OR10J1: variants seen among roughly 807,000 people sequenced by gnomAD.
OR10J1 encodes the protein olfactory receptor 10J1.
For synonymous variants in OR10J1, 202 were observed against 143.8 expected (o/e 1.40, Z -2.89); for missense variants, 474 against 376.6 (o/e 1.26, Z -2.14).
rs149860482 is a variant in OR10J1 at position 159,440,265 on chromosome 1, G to A, written c.474G>A (p.Thr158=). 8.2e-5 allele frequency: 132 copies of A among 1,613,964 alleles called. No homozygotes were observed. The highest frequency in any genetic ancestry group is 4.9e-4 in the Middle Eastern group (3 of 6,084). ...ACSIGLIVAI[T]QVTSVFRLPF... ...GCATTGGGCTGATTGTAGCAATAAC[G>A]CAAGTGACATCTGTATTCAGGTTAC... The change falls in exon 1 of 1, where the codon ACG becomes ACA. Residue 158 remains threonine (T), a synonymous_variant. Transcript: ENST00000423932.
At chr1:159,406,841 ACTGCC>A in the OR10J1 span, among the ~76,000 whole-genome samples, 1 of 152,146 alleles carries the variant, frequency 6.6e-6, no homozygotes, top group Non-Finnish European at 1.5e-5. Context: ...GCCAGCAAAG[ACTGCC>A]CTGGGAGGAT....
chr1:159,422,002 C>T, the OR10J1 span, among the ~76,000 whole-genome samples: 3 of 152,072 alleles, frequency 2.0e-5, no homozygotes, highest in Non-Finnish European at 4.4e-5. Flanking sequence ...AAGCAGTCCA[C>T]GGTGATGTTG....
the OR10J1 span, among the ~76,000 whole-genome samples, chr1:159,402,141 C>A: frequency 6.6e-6 from 1 of 151,992 alleles, no homozygotes; most frequent in Non-Finnish European, 1.5e-5. Context: ...TAGTACCATA[C>A]TGAATGATAC....
At chr1:159,419,469 C>T in the OR10J1 span, among the ~76,000 whole-genome samples, 4 of 152,256 alleles carry the variant, frequency 2.6e-5, no homozygotes, top group Non-Finnish European at 5.9e-5. Flanking sequence ...GTAAGACATG[C>T]CTTTCATTTT....
chr1:159,430,694 C>A, the OR10J1 span, among the ~76,000 whole-genome samples: 1 of 141,594 alleles, frequency 7.1e-6, no homozygotes, highest in Admixed American at 7.1e-5. Flanking sequence ...TTTGGGTGGC[C>A]AAGCATACAA....
At chr1:159,410,133 C>CATCAAGGATA in the OR10J1 span, among the ~76,000 whole-genome samples, 1 of 152,156 alleles carries the variant, frequency 6.6e-6, no homozygotes, top group Non-Finnish European at 1.5e-5. Context: ...CATCAATGTT[C>CATCAAGGATA]ATCAAGGATA....
the OR10J1 span, among the ~76,000 whole-genome samples, chr1:159,399,999 C>A: frequency 6.6e-6 from 1 of 151,516 alleles, no homozygotes; most frequent in Non-Finnish European, 1.5e-5. Flanking sequence ...CCTCATGTAA[C>A]CTCAAACCAA....
the OR10J1 span, among the ~76,000 whole-genome samples, chr1:159,428,327 C>A: frequency 6.6e-6 from 1 of 152,092 alleles, no homozygotes; most frequent in Admixed American, 6.6e-5. Context: ...TTAGCCTTTT[C>A]TCCCTAAACC....
rs932485975 is a variant in OR10J1 at position 159,440,912 on chromosome 1, T to G, written c.*191T>G. On this transcript the variant is annotated 3_prime_UTR_variant, in exon 1 of 1. Transcript: ENST00000423932. ...CTGGATGGAGTGTTATCCCTATTTTTGGGGATAAATAGACAAACAAGGATA... is the reference window on the plus strand; with the variant it reads ...CTGGATGGAGTGTTATCCCTATTTTGGGGGATAAATAGACAAACAAGGATA... 2.5e-5 allele frequency: 14 copies of G among 561,318 alleles called. No individual in the cohort carries two copies. Among genetic ancestry groups the G allele is most frequent in the Admixed American group, 2.0e-4 (6 of 29,652 alleles). 34.8% of individuals were successfully genotyped at this position (561,318 alleles called of 1,614,324 possible). A position where few individuals can be genotyped will look rare whatever the true frequency, so the allele number is the denominator to read the frequency against.
the OR10J1 span, among the ~76,000 whole-genome samples, chr1:159,413,972 T>A: frequency 6.6e-6 from 1 of 152,070 alleles, no homozygotes; most frequent in Admixed American, 6.6e-5. Flanking sequence ...AATTGGCACA[T>A]AATATTTTAC....
the OR10J1 span, among the ~76,000 whole-genome samples, chr1:159,406,648 C>A: frequency 2.0e-5 from 3 of 152,058 alleles, no homozygotes; most frequent in Non-Finnish European, 2.9e-5. Flanking sequence ...AACAGCTACC[C>A]TACTTGACCA....
At chr1:159,422,381 G>T in the OR10J1 span, among the ~76,000 whole-genome samples, 1 of 152,268 alleles carries the variant, frequency 6.6e-6, no homozygotes, top group Admixed American at 6.5e-5. Context: ...TGTTGCTGGG[G>T]ACTGTGCATA....
chr1:159,411,193 T>C, the OR10J1 span, among the ~76,000 whole-genome samples: 1 of 151,986 alleles, frequency 6.6e-6, no homozygotes, highest in Non-Finnish European at 1.5e-5. Flanking sequence ...GGGTGGAGAG[T>C]TCTGTAGATG....
At chr1:159,403,752 T>C in the OR10J1 span, among the ~76,000 whole-genome samples, 1 of 152,154 alleles carries the variant, frequency 6.6e-6, no homozygotes, top group African/African-American at 2.4e-5. Flanking sequence ...GATCCAGCAA[T>C]CCAACTGCTG....
chr1:159,422,714 C>T, the OR10J1 span, among the ~76,000 whole-genome samples: 2 of 152,200 alleles, frequency 1.3e-5, no homozygotes, highest in African/African-American at 4.8e-5. Context: ...CCCTCTAGAG[C>T]AGTGCCTTTG....
At chr1:159,439,671 C>A (rs1295514632), upstream of OR10J1, 2 of 1,212,860 alleles carry the variant, frequency 1.6e-6, no homozygotes, top group Non-Finnish European at 2.4e-6. Flanking sequence ...CTAGGAAATA[C>A]ATCACCAGAT....
the OR10J1 span, among the ~76,000 whole-genome samples, chr1:159,397,485 T>C: frequency 1.3e-5 from 2 of 151,942 alleles, no homozygotes; most frequent in Non-Finnish European, 2.9e-5. Flanking sequence ...TTGGATGGCA[T>C]TTCTGGACCT....
At chr1:159,439,598 G>C, upstream of OR10J1, 3 of 670,016 alleles carry the variant, frequency 4.5e-6, no homozygotes, top group Non-Finnish European at 2.5e-6. Context: ...AATTATAACA[G>C]ATGGTCACAG....
At chr1:159,429,973 C>T in the OR10J1 span, among the ~76,000 whole-genome samples, 5 of 152,058 alleles carry the variant, frequency 3.3e-5, no homozygotes, top group Non-Finnish European at 7.4e-5. Context: ...CCTGAATAAG[C>T]CTCCATCCTG....
Sources: gnomAD v4.1 joint callset for allele counts (sites outside exome capture counted in the v4.1 genomes callset) on GRCh38, gnomAD v4.1.1 for gene constraint, MANE v1.5 for transcripts, NCBI Gene and HGNC (gene_info 2026-07-23, HGNC 2026-07-21) for gene names.